PCA3: variants seen among roughly 807,000 people sequenced by gnomAD.
PCA3 encodes the protein prostate cancer associated 3.
intron 2 of PCA3, among the ~76,000 whole-genome samples, chr9:76,771,335 G>A (rs1014587635): frequency 3.9e-5 from 6 of 152,024 alleles, no homozygotes; most frequent in African/African-American, 7.2e-5. Context: ...AAATGAAAAC[G>A]AATAAACTCA....
chr9:76,782,705 C>T (rs1371517790), intron 2 of PCA3: 3 of 152,076 alleles, frequency 2.0e-5, no homozygotes, highest in African/African-American at 7.2e-5. Context: ...CAATGAACAC[C>T]AAGATAAATA....
chr9:76,774,459 T>TATTTATTTATTTATTTATTTATTTA lies in PCA3; in HGVS notation n.853-34124_853-34123insATTTATTTATTTATTTATTTATTTA, dbSNP rs759627070. Among the ~76,000 whole-genome samples, 51 of 139,124 alleles carry TATTTATTTATTTATTTATTTATTTA rather than the reference T, an allele frequency of 3.7e-4. 3 individuals carry two copies. Among genetic ancestry groups the TATTTATTTATTTATTTATTTATTTA allele is most frequent in the African/African-American group, 1.3e-3 (50 of 38,042 alleles). 91.3% of individuals were successfully genotyped at this position (139,124 alleles called of 152,430 possible). ...GGCCTCCAGTTCAACCCTTTTTTTTTTTTTTTTTTTTTTTTTTTGAGATGG... is the reference window on the plus strand; with the variant it reads ...GGCCTCCAGTTCAACCCTTTTTTTTTATTTATTTATTTATTTATTTATTTATTTTTTTTTTTTTTTTTTGAGATGG... On this transcript the variant is annotated intron_variant and non_coding_transcript_variant, in intron 2 of 5. Coordinates refer to ENST00000644657, the Ensembl canonical transcript of PCA3.
chr9:76,780,970 GT>G (rs2054324560), intron 2 of PCA3, among the ~76,000 whole-genome samples: 1 of 152,110 alleles, frequency 6.6e-6, no homozygotes, highest in Non-Finnish European at 1.5e-5. Flanking sequence ...TTTATGCTAC[GT>G]ACCTGAGAAT....
At chr9:76,764,830 C>T (rs542882428) in intron 2 of PCA3, among the ~76,000 whole-genome samples, 2 of 152,222 alleles carry the variant, frequency 1.3e-5, no homozygotes, top group Middle Eastern at 3.4e-3. Flanking sequence ...TCTCCCTCCA[C>T]TGGAATGGAA....
At chr9:76,773,640 T>A (rs1589143729) in intron 2 of PCA3, among the ~76,000 whole-genome samples, 1 of 152,024 alleles carries the variant, frequency 6.6e-6, no homozygotes, top group Admixed American at 6.6e-5. Flanking sequence ...GGAGGGGTTT[T>A]GCCATGTTGG....
At chr9:76,768,365 G>C (rs2052666007) in intron 2 of PCA3, among the ~76,000 whole-genome samples, 1 of 151,956 alleles carries the variant, frequency 6.6e-6, no homozygotes, top group South Asian at 2.1e-4. Flanking sequence ...GTTAATTTTT[G>C]TATTTTTAGT....
intron 2 of PCA3, chr9:76,786,767 C>T (rs1053042437): frequency 6.6e-6 from 1 of 152,184 alleles, no homozygotes; most frequent in Non-Finnish European, 1.5e-5. Flanking sequence ...ATTTAAAGCT[C>T]AAGAGGTTCA....
chr9:76,776,316 T>C (rs1350891248), intron 2 of PCA3, among the ~76,000 whole-genome samples: 3 of 151,906 alleles, frequency 2.0e-5, no homozygotes, highest in South Asian at 2.1e-4. Flanking sequence ...GACTCTCCGA[T>C]GTTATTATTT....
At chr9:76,776,578 A>C (rs1432444967) in intron 2 of PCA3, among the ~76,000 whole-genome samples, 1 of 137,444 alleles carries the variant, frequency 7.3e-6, no homozygotes, top group Non-Finnish European at 1.5e-5. Context: ...TGCAGTGCAC[A>C]ATCTCGGCTC....
chr9:76,776,261 G>C (rs1316557182), intron 2 of PCA3, among the ~76,000 whole-genome samples: 3 of 152,136 alleles, frequency 2.0e-5, no homozygotes, highest in Non-Finnish European at 2.9e-5. Flanking sequence ...GTACCCAATG[G>C]GTAATTTTTC....
intron 2 of PCA3, among the ~76,000 whole-genome samples, chr9:76,779,383 G>C (rs1237685598): frequency 6.6e-6 from 1 of 152,140 alleles, no homozygotes; most frequent in Non-Finnish European, 1.5e-5. Context: ...TCCTTCCAAA[G>C]CCAACGTCGA....
At chr9:76,774,453 T>TTTTTATGTATTTATTTATTTATTTA (rs1554761597) in intron 2 of PCA3, among the ~76,000 whole-genome samples, 3 of 122,224 alleles carry the variant, frequency 2.5e-5, no homozygotes, top group Non-Finnish European at 5.4e-5. Context: ...TTCAACCCTT[T>TTTTTATGTATTTATTTATTTATTTA]TTTTTTTTTT....
chr9:76,769,304 A>G (rs1457696215), intron 2 of PCA3, among the ~76,000 whole-genome samples: 1 of 152,256 alleles, frequency 6.6e-6, no homozygotes, highest in Non-Finnish European at 1.5e-5. Context: ...CCTCAGGGTC[A>G]ATACATACAG....
intron 2 of PCA3, among the ~76,000 whole-genome samples, chr9:76,775,293 T>C (rs1378290665): frequency 6.6e-6 from 1 of 150,432 alleles, no homozygotes; most frequent in Non-Finnish European, 1.5e-5. Context: ...GAGGACCATT[T>C]TGTACTTTGT....
chr9:76,774,794 G>A (rs765090897), intron 2 of PCA3, among the ~76,000 whole-genome samples: 10 of 152,138 alleles, frequency 6.6e-5, no homozygotes, highest in Non-Finnish European at 1.5e-4. Context: ...ATGATTTAAA[G>A]AAAGTTAAAT....
chr9:76,767,927 A>G (rs1320308622), intron 2 of PCA3, among the ~76,000 whole-genome samples: 2 of 152,162 alleles, frequency 1.3e-5, no homozygotes, highest in Admixed American at 1.3e-4. Flanking sequence ...TTGGGTGTAA[A>G]AGAGCAAGGA....
At chr9:76,768,577 ATATGTATGTG>A (rs796268232) in intron 2 of PCA3, among the ~76,000 whole-genome samples, 45 of 98,182 alleles carry the variant, frequency 4.6e-4, no homozygotes, top group African/African-American at 3.6e-4. Context: ...ATATATATGT[ATATGTATGTG>A]TGTGTGTGTG....
intron 2 of PCA3, among the ~76,000 whole-genome samples, chr9:76,765,765 G>A (rs1375238837): frequency 2.6e-5 from 4 of 152,164 alleles, no homozygotes; most frequent in South Asian, 2.1e-4. Context: ...TTAGCTTTCT[G>A]AACTTGTCCA....
intron 2 of PCA3, chr9:76,779,685 TGACTTATCTCAGTC>T (rs2054164247): frequency 6.6e-6 from 1 of 152,228 alleles, no homozygotes; most frequent in South Asian, 2.1e-4. Context: ...TTGTCTGAAA[TGACTTATCTCAGTC>T]CTGACTGTGG....
Sources: gnomAD v4.1 joint callset for allele counts (sites outside exome capture counted in the v4.1 genomes callset) on GRCh38, gnomAD v4.1.1 for gene constraint, MANE v1.5 for transcripts, NCBI Gene and HGNC (gene_info 2026-07-23, HGNC 2026-07-21) for gene names.